USH2A: variants seen among roughly 807,000 people sequenced by gnomAD.
The protein encoded by USH2A is usherin, also known as Usher syndrome 2A (autosomal recessive, mild).
A neutral mutation model predicts 538.9 loss-of-function variants in USH2A; 443 were observed. The observed-to-expected ratio is 0.82, with a 90% CI of 0.76 to 0.89. The LOEUF (loss-of-function observed/expected upper bound fraction) is 0.89, where lower values mean the gene tolerates loss of function less well. Among genes scored for constraint, USH2A ranks in the 40% least tolerant of loss-of-function variants. The probability of loss-of-function intolerance (pLI) is 0.00; values close to 1 mark genes in which losing one functional copy is unlikely to be tolerated. For synonymous variants in USH2A, 2,413 were observed against 2,273.5 expected, an observed-to-expected ratio of 1.06 and a Z score of -1.75; for missense variants, 6,633 against 6,324.8, an observed-to-expected ratio of 1.05 and a Z score of -1.65.
At chr1:216,007,933 T>C (rs1437069825) in intron 32 of USH2A, among the ~76,000 whole-genome samples, 1 of 152,206 alleles carries the variant, frequency 6.6e-6, no homozygotes, top group East Asian at 1.9e-4. Context: ...GATAGAGACA[T>C]ACATATATGT....
intron 71 of USH2A, 49 bp downstream of exon 71, chr1:215,628,765 T>C (rs768592298): frequency 1.9e-6 from 3 of 1,600,404 alleles, no homozygotes; most frequent in Admixed American, 3.3e-5. Context: ...TGTACCAATA[T>C]TTTTTCTGGG....
chr1:216,083,227 T>C (rs1426724442), intron 26 of USH2A: 3 of 423,982 alleles, frequency 7.1e-6, no homozygotes, highest in Middle Eastern at 7.1e-4. Context: ...ATATCTAGTC[T>C]GTTTTCTTAA....
chr1:216,047,009 A>G (rs1324826218), intron 31 of USH2A, among the ~76,000 whole-genome samples: 1 of 152,218 alleles, frequency 6.6e-6, no homozygotes, highest in African/African-American at 2.4e-5. Context: ...TAATGATAAG[A>G]ATTGCCAGAG....
intron 21 of USH2A, among the ~76,000 whole-genome samples, chr1:216,105,240 T>C (rs996259497): frequency 6.6e-6 from 1 of 152,170 alleles, no homozygotes; most frequent in Non-Finnish European, 1.5e-5. Flanking sequence ...ACCAAGATGA[T>C]CAAGATATTT....
intron 70 of USH2A, among the ~76,000 whole-genome samples, chr1:215,631,037 TTGA>T (rs908888402): frequency 3.1e-4 from 47 of 152,144 alleles, no homozygotes; most frequent in African/African-American, 1.1e-3. Context: ...TTGAAAAATG[TTGA>T]TGAAATACAA....
In USH2A at chr1:215,888,858, C is replaced by T. The variant is rs148589851; in HGVS notation, c.7791G>A (p.Lys2597=). The part of the protein sequence containing the change: ...VMHLHPYTAY[K]FQVEACTSKG... ...TTGAAGTGCAGGCTTCTACCTGAAA[C>T]TTATAGGCAGTGTATGGGTGTAAAT... Residue 2597 remains lysine, a synonymous_variant, in exon 41 of 72, where the codon AAG becomes AAA. Coordinates refer to ENST00000307340, the MANE Select transcript of USH2A (RefSeq NM_206933.4). 5 of 1,614,018 alleles carry T rather than the reference C, an allele frequency of 3.1e-6. No individual in the cohort carries two copies. In the African/African-American group the frequency reaches 6.7e-5, roughly 22 times the overall value.
intron 3 of USH2A, among the ~76,000 whole-genome samples, chr1:216,386,699 C>CA (rs1411796509): frequency 1.3e-4 from 20 of 150,964 alleles, no homozygotes; most frequent in South Asian, 6.3e-4. Context: ...ACTAAAAATA[C>CA]AAAAAATTAG....
intron 4 of USH2A, among the ~76,000 whole-genome samples, chr1:216,339,875 G>C (rs1249102000): frequency 6.6e-6 from 1 of 151,874 alleles, no homozygotes; most frequent in Non-Finnish European, 1.5e-5. Flanking sequence ...ACCCATATCA[G>C]AAAGCTAGAA....
chr1:215,669,050 G>GAAAC (rs748852488), intron 64 of USH2A, among the ~76,000 whole-genome samples: 10 of 152,100 alleles, frequency 6.6e-5, no homozygotes, highest in Non-Finnish European at 1.2e-4. Context: ...CTCGAACAAA[G>GAAAC]AAACAAACAA....
Position 216,072,904 on chromosome 1 carries a change from G to T in USH2A, c.5842C>A (p.Arg1948Ser). ...GSVYSDWSRG[R>S]TTGAAPQSVP... ...AAGTATTTACCTGCTCCTGTTGTAC[G>T]TCCTCGACTCCAATCACTATATACT... The change falls in exon 29 of 72, where the codon CGT becomes AGT. Residue 1948 changes from arginine (R) to serine (S), a missense_variant. Physicochemically the swap from Arg to Ser is moderately radical, Grantham distance 110. Transcript: ENST00000307340. 1 of 1,613,690 alleles carries T rather than the reference G, an allele frequency of 6.2e-7. No homozygotes were observed.
chr1:215,939,424 C>A (rs189338405), intron 37 of USH2A, among the ~76,000 whole-genome samples: 36 of 152,214 alleles, frequency 2.4e-4, no homozygotes, highest in Admixed American at 6.5e-4. Context: ...AAATAAATCT[C>A]ATATGAACAA....
At chr1:215,748,047 G>A (rs1024234392) in intron 58 of USH2A, among the ~76,000 whole-genome samples, 1 of 151,752 alleles carries the variant, frequency 6.6e-6, no homozygotes, top group Non-Finnish European at 1.5e-5. Flanking sequence ...GCCCGCCACC[G>A]CGCCCGGCTA....
At chr1:215,774,700 T>C (rs1161119965) in intron 55 of USH2A, among the ~76,000 whole-genome samples, 1 of 151,960 alleles carries the variant, frequency 6.6e-6, no homozygotes, top group Non-Finnish European at 1.5e-5. Flanking sequence ...AATGAGGACA[T>C]TGCAGAGGGA....
At chr1:216,405,408 T>C (rs973530230) in intron 3 of USH2A, among the ~76,000 whole-genome samples, 6 of 152,136 alleles carry the variant, frequency 3.9e-5, no homozygotes, top group Non-Finnish European at 1.5e-5. Flanking sequence ...ATTGGACATA[T>C]GAATGGTAAA....
chr1:215,942,514 T>C (rs1301989149), intron 37 of USH2A, among the ~76,000 whole-genome samples: 1 of 152,144 alleles, frequency 6.6e-6, no homozygotes, highest in Non-Finnish European at 1.5e-5. Context: ...GAAAGAGATT[T>C]TGGACAAATT....
intron 11 of USH2A, among the ~76,000 whole-genome samples, chr1:216,267,901 A>G (rs2036506580): frequency 6.6e-6 from 1 of 152,120 alleles, no homozygotes. Flanking sequence ...ATTTTGAGTA[A>G]TTGAATCTTT....
intron 47 of USH2A, among the ~76,000 whole-genome samples, chr1:215,833,916 CAA>C (rs1663400618): frequency 6.6e-6 from 1 of 151,976 alleles, no homozygotes; most frequent in Non-Finnish European, 1.5e-5. Context: ...CCAGAGTAAA[CAA>C]ATGCCAAAGT....
intron 13 of USH2A, among the ~76,000 whole-genome samples, chr1:216,234,028 C>T (rs1247079444): frequency 6.6e-6 from 1 of 152,028 alleles, no homozygotes; most frequent in Non-Finnish European, 1.5e-5. Context: ...ATGAATTGTA[C>T]AATTGTCATG....
chr1:216,318,107 C>G (rs936433586), intron 9 of USH2A, among the ~76,000 whole-genome samples: 1 of 152,176 alleles, frequency 6.6e-6, no homozygotes, highest in Non-Finnish European at 1.5e-5. Flanking sequence ...ACTAAAAACA[C>G]TTTCTCATAG....
Sources: gnomAD v4.1 joint callset for allele counts (sites outside exome capture counted in the v4.1 genomes callset) on GRCh38, gnomAD v4.1.1 for gene constraint, MANE v1.5 for transcripts, NCBI Gene and HGNC (gene_info 2026-07-23, HGNC 2026-07-21) for gene names.